AVL9: variants seen among roughly 807,000 people sequenced by gnomAD.
AVL9 encodes late secretory pathway protein AVL9 homolog.
AVL9 carries 49 observed loss-of-function variants against 79.2 expected under a neutral mutation model. The ratio of observed to expected loss-of-function variants is 0.62; its 90% CI spans 0.49 to 0.79. The LOEUF (loss-of-function observed/expected upper bound fraction) is 0.79. Ranked by LOEUF, AVL9 falls within the 30% of genes least tolerant of loss-of-function variation. The pLI is 0.00. For missense variants in AVL9, 682 were observed against 776.8 expected (o/e 0.88, Z 1.45); for synonymous variants, 299 against 280.6 (o/e 1.07, Z -0.65).
chr7:32,541,293 A>G (rs1789196319), intron 1 of AVL9, among the ~76,000 whole-genome samples: 1 of 151,910 alleles, frequency 6.6e-6, no homozygotes, highest in South Asian at 2.1e-4. Context: ...GGGGTACATA[A>G]TGTTTGTTTA....
chr7:32,561,064 A>G (rs534579268), intron 10 of AVL9, among the ~76,000 whole-genome samples: 1 of 152,302 alleles, frequency 6.6e-6, no homozygotes, highest in South Asian at 2.1e-4. Flanking sequence ...TTTCCATTCT[A>G]GAGCACAGGC....
chr7:32,549,415 C>T lies in AVL9; in HGVS notation c.372+497C>T, dbSNP rs537584249. Among the ~76,000 whole-genome samples, 8 of 151,366 alleles carry T rather than the reference C, an allele frequency of 5.3e-5. No homozygotes were observed. In the South Asian group the frequency reaches 1.0e-3, roughly 20 times the overall value. On this transcript the variant is annotated intron_variant, in intron 4 of 15. Transcript: ENST00000318709. The stretch of plus-strand genomic sequence containing the variant: ...AATATTTTTGTATTTTTGGTAGAGA[C>T]GAGGTTTTACCATGTTGCCTACGCT...
chr7:32,558,550 C>G lies in AVL9; in HGVS notation c.610-9C>G. 1 of 1,601,322 alleles carries G rather than the reference C, an allele frequency of 6.2e-7. No individual in the cohort carries two copies. Among genetic ancestry groups the G allele is most frequent in the Non-Finnish European group, 8.5e-7 (1 of 1,172,024 alleles). The stretch of plus-strand genomic sequence containing the variant: ...TCTTCTAATTTGATTTTGATTGACT[C>G]CATTCCAGGTTCTTTTTTATATTTC... On this transcript the variant is annotated splice_polypyrimidine_tract_variant and intron_variant, in intron 8 of 15. Coordinates refer to ENST00000318709, the MANE Select transcript of AVL9 (RefSeq NM_015060.3).
At chr7:32,515,088 T>C (rs1787852711) in intron 1 of AVL9, among the ~76,000 whole-genome samples, 1 of 152,216 alleles carries the variant, frequency 6.6e-6, no homozygotes, top group African/African-American at 2.4e-5. Context: ...CTGATCTCTC[T>C]TTGTTTTCCC....
chr7:32,570,285 G>T, intron 11 of AVL9, 131 bp downstream of exon 11: 1 of 1,245,158 alleles, frequency 8.0e-7, no homozygotes, highest in Non-Finnish European at 1.1e-6. Flanking sequence ...TGTATTCTAA[G>T]TATTTTATGT....
At chr7:32,578,125 A>G (rs958815149) in intron 13 of AVL9, among the ~76,000 whole-genome samples, 3 of 152,178 alleles carry the variant, frequency 2.0e-5, no homozygotes, top group Non-Finnish European at 4.4e-5. Flanking sequence ...GTGGTAAGTC[A>G]GGTTATAGTG....
chr7:32,558,271 C>T (rs1394027557), intron 8 of AVL9, among the ~76,000 whole-genome samples: 4 of 151,676 alleles, frequency 2.6e-5, no homozygotes, highest in Non-Finnish European at 5.9e-5. Flanking sequence ...GATTCTCCTG[C>T]CTCAGCCTCC....
intron 1 of AVL9, among the ~76,000 whole-genome samples, chr7:32,497,560 ACT>A (rs1008900780): frequency 1.7e-4 from 26 of 151,988 alleles, no homozygotes; most frequent in African/African-American, 4.6e-4. Flanking sequence ...TTGAGTTGTG[ACT>A]CTGACTTAAC....
Position 32,495,746 on chromosome 7 carries a change from C to A in AVL9, c.37C>A (p.Arg13=), listed in dbSNP as rs1786767712. The A allele has an allele frequency of 7.9e-7, 1 of 1,259,780 alleles. No homozygotes were observed. The highest frequency in any genetic ancestry group is 3.4e-5 in the South Asian group (1 of 29,584). 78.0% of individuals were successfully genotyped at this position (1,259,780 alleles called of 1,614,324 possible). The change falls in exon 1 of 16, where the codon CGG becomes AGG. Residue 13 remains arginine, a synonymous_variant. Coordinates refer to ENST00000318709, the MANE Select transcript of AVL9 (RefSeq NM_015060.3). ...CAGGAGAGGCGGGGATGGCGTCCCC[C>A]GGGGGCCCGTACTGCACATCGTGGT... ...KARRGGDGVP[R]GPVLHIVVVG...
intron 12 of AVL9, among the ~76,000 whole-genome samples, chr7:32,574,927 A>C (rs534626603): frequency 1.3e-5 from 2 of 152,298 alleles, no homozygotes; most frequent in South Asian, 4.1e-4. Flanking sequence ...TTTCACCTTC[A>C]AAGTAAACAA....
chr7:32,504,730 C>T (rs1449646181), intron 1 of AVL9, among the ~76,000 whole-genome samples: 1 of 152,166 alleles, frequency 6.6e-6, no homozygotes, highest in Non-Finnish European at 1.5e-5. Context: ...CATTCCAGGA[C>T]AGGCAGAAGT....
At chr7:32,554,454 C>A in intron 7 of AVL9, 104 bp from the exon 8 acceptor site, 12 of 524,594 alleles carry the variant, frequency 2.3e-5, no homozygotes, top group East Asian at 7.1e-5. Flanking sequence ...TTTTAAAGTG[C>A]TGTATTTAGT....
intron 1 of AVL9, among the ~76,000 whole-genome samples, chr7:32,522,518 A>G (rs1351804413): frequency 6.6e-6 from 1 of 152,120 alleles, no homozygotes; most frequent in Non-Finnish European, 1.5e-5. Flanking sequence ...GTATTTACCC[A>G]ATACCTGCAC....
intron 1 of AVL9, chr7:32,537,078 A>T (rs67485073): frequency 6.6e-6 from 1 of 152,054 alleles, no homozygotes; most frequent in Admixed American, 6.5e-5. Flanking sequence ...AATCTCCAAC[A>T]CCGTTCCTGG....
chr7:32,566,167 AATT>A (rs201854771), intron 10 of AVL9, among the ~76,000 whole-genome samples: 1,076 of 37,354 alleles, frequency 0.029, 35 homozygotes, highest in African/African-American at 0.11. Context: ...AAAAAATTTT[AATT>A]ATTATTATTA....
chr7:32,500,495 A>G (rs946147461), intron 1 of AVL9, among the ~76,000 whole-genome samples: 1 of 152,022 alleles, frequency 6.6e-6, no homozygotes, highest in South Asian at 2.1e-4. Context: ...CCTTTGTCAG[A>G]TGGGTAGATT....
In AVL9 at chr7:32,514,527, GA is replaced by G. The variant is rs565940377; in HGVS notation, c.93+18727del. Among the ~76,000 whole-genome samples the G allele has an allele frequency of 2.4e-4, 36 of 152,234 alleles. No homozygotes were observed. The East Asian group carries it at 4.4e-3, about 19-fold the overall frequency. ...CTAAAGTAACTGAAGAATCACAAAA[GA>G]AGTGAAAATGCCCTGCCCCGCCTTA... On this transcript the variant is annotated intron_variant, in intron 1 of 15. Transcript: ENST00000318709.
At chr7:32,579,015 G>C (rs188517374) in intron 13 of AVL9, among the ~76,000 whole-genome samples, 1 of 151,710 alleles carries the variant, frequency 6.6e-6, no homozygotes. Flanking sequence ...TGATGTGTCC[G>C]TATTTCAATC....
Position 32,583,764 on chromosome 7 carries a change from T to A in AVL9, c.1832-28T>A, listed in dbSNP as rs6462384. 3,660 of 1,419,332 alleles carry A rather than the reference T, an allele frequency of 2.6e-3. 71 individuals are homozygous for A. In the African/African-American group the frequency reaches 0.041, roughly 16 times the overall value. 87.9% of individuals were successfully genotyped at this position (1,419,332 alleles called of 1,614,324 possible). On this transcript the variant is annotated intron_variant, in intron 15 of 15. Transcript: ENST00000318709. Reference sequence around the variant, plus strand: ...CTCGTAACAAAAGTTAAGACATTTTTCCTTTTGTTTTTCTCCTCTCCATCC... The same window carrying A: ...CTCGTAACAAAAGTTAAGACATTTTACCTTTTGTTTTTCTCCTCTCCATCC...
Sources: gnomAD v4.1 joint callset for allele counts (sites outside exome capture counted in the v4.1 genomes callset) on GRCh38, gnomAD v4.1.1 for gene constraint, MANE v1.5 for transcripts, NCBI Gene and HGNC (gene_info 2026-07-23, HGNC 2026-07-21) for gene names.